ASTN2: variants seen among roughly 807,000 people sequenced by gnomAD.
ASTN2 encodes astrotactin-2.
In ASTN2, 54 loss-of-function variants were observed where a neutral mutation model predicts 139.8. The observed-to-expected ratio is 0.39, with a 90% CI of 0.31 to 0.48. The LOEUF (loss-of-function observed/expected upper bound fraction) is 0.48. Among genes scored for constraint, ASTN2 ranks in the 20% least tolerant of loss-of-function variants. ASTN2 has a pLI of 0.95. For synonymous variants in ASTN2, 756 were observed against 719.5 expected, an observed-to-expected ratio of 1.05 and a Z score of -0.81; for missense variants, 1,565 against 1,725.1, an observed-to-expected ratio of 0.91 and a Z score of 1.64.
At chr9:116,804,653 A>G (rs1830982859) in intron 13 of ASTN2, among the ~76,000 whole-genome samples, 1 of 152,200 alleles carries the variant, frequency 6.6e-6, no homozygotes, top group African/African-American at 2.4e-5. Flanking sequence ...ACCATTTATT[A>G]CCACTCATAA....
chr9:117,312,702 T>C (rs936697990), intron 1 of ASTN2, among the ~76,000 whole-genome samples: 3 of 152,086 alleles, frequency 2.0e-5, no homozygotes, highest in Non-Finnish European at 4.4e-5. Flanking sequence ...AAACTCAGGG[T>C]CCAGGGCTCC....
At chr9:117,193,518 A>T (rs895815947) in intron 3 of ASTN2, among the ~76,000 whole-genome samples, 1 of 151,270 alleles carries the variant, frequency 6.6e-6, no homozygotes, top group African/African-American at 2.4e-5. Flanking sequence ...CACACCTGTA[A>T]TCCCAGCTAC....
In ASTN2 at chr9:116,830,595, C is replaced by T. The variant is rs552800186; in HGVS notation, c.2041-9812G>A. Reference sequence around the variant, plus strand: ...TCACTAGAGGCCAGGAGTTTGAGACCAGCCTGGCCAACATGGTGAAACCCT... The same window carrying T: ...TCACTAGAGGCCAGGAGTTTGAGACTAGCCTGGCCAACATGGTGAAACCCT... On this transcript the variant is annotated intron_variant, in intron 11 of 22. Transcript: ENST00000313400. Among the ~76,000 whole-genome samples, 29 of 151,674 alleles carry T rather than the reference C, an allele frequency of 1.9e-4. No individual in the cohort carries two copies. In the South Asian group the frequency reaches 5.9e-3, roughly 31 times the overall value.
At chr9:117,183,614 T>C (rs1831128121) in intron 3 of ASTN2, among the ~76,000 whole-genome samples, 2 of 152,214 alleles carry the variant, frequency 1.3e-5, no homozygotes, top group South Asian at 4.1e-4. Context: ...ATTTCAGGAG[T>C]TGACCTAGGT....
chr9:117,343,234 G>C (rs2130867759), intron 1 of ASTN2, among the ~76,000 whole-genome samples: 1 of 152,212 alleles, frequency 6.6e-6, no homozygotes, highest in Non-Finnish European at 1.5e-5. Flanking sequence ...CTTTCTGAAT[G>C]TGCCATCACC....
intron 16 of ASTN2, chr9:116,687,196 G>A (rs1360391039): frequency 2.0e-6 from 2 of 1,018,732 alleles, no homozygotes; most frequent in African/African-American, 3.4e-5. Context: ...CTGCAGGGCC[G>A]CCTTGCCCCG....
chr9:116,839,881 ATTTT>A (rs71502081), intron 11 of ASTN2, among the ~76,000 whole-genome samples: 3 of 127,972 alleles, frequency 2.3e-5, no homozygotes, highest in African/African-American at 9.0e-5. Flanking sequence ...TATTATTATT[ATTTT>A]TTTTTTTTTA....
intron 10 of ASTN2, among the ~76,000 whole-genome samples, chr9:116,935,326 G>A (rs530001306): frequency 1.3e-5 from 2 of 152,186 alleles, no homozygotes; most frequent in East Asian, 3.8e-4. Context: ...TAAAATAGCT[G>A]TGTGACCTTG....
At chr9:116,563,232 G>A (rs943235419) in intron 19 of ASTN2, among the ~76,000 whole-genome samples, 4 of 151,814 alleles carry the variant, frequency 2.6e-5, no homozygotes, top group East Asian at 1.9e-4. Flanking sequence ...AAAATTAGCC[G>A]GGTGCGGGGG....
At chr9:116,816,635 C>T (rs1271653438) in intron 12 of ASTN2, among the ~76,000 whole-genome samples, 1 of 152,092 alleles carries the variant, frequency 6.6e-6, no homozygotes, top group Non-Finnish European at 1.5e-5. Flanking sequence ...AGGATGTAGT[C>T]CCTGCTCATG....
chr9:117,274,533 C>T (rs559639327), intron 2 of ASTN2, among the ~76,000 whole-genome samples: 6 of 152,332 alleles, frequency 3.9e-5, no homozygotes, highest in Non-Finnish European at 7.4e-5. Flanking sequence ...TGCATTGTGC[C>T]TGCTTTATCT....
chr9:116,905,703 TATACCTTC>T (rs1834136382), intron 10 of ASTN2, among the ~76,000 whole-genome samples: 1 of 152,144 alleles, frequency 6.6e-6, no homozygotes, highest in African/African-American at 2.4e-5. Flanking sequence ...CAATGACAAA[TATACCTTC>T]ATAACAACCT....
intron 19 of ASTN2, among the ~76,000 whole-genome samples, chr9:116,551,434 G>C (rs1852338720): frequency 6.6e-6 from 1 of 152,154 alleles, no homozygotes; most frequent in Admixed American, 6.5e-5. Context: ...GGGCCGTATA[G>C]ACTAGGAGAG....
intron 1 of ASTN2, among the ~76,000 whole-genome samples, chr9:117,347,776 CA>C (rs1829269252): frequency 6.6e-6 from 1 of 152,096 alleles, no homozygotes; most frequent in Admixed American, 6.6e-5. Context: ...TAAAGAGGAA[CA>C]AAAAGACACA....
chr9:117,178,816 C>T (rs1830982648), intron 3 of ASTN2, among the ~76,000 whole-genome samples: 1 of 152,140 alleles, frequency 6.6e-6, no homozygotes, highest in Admixed American at 6.5e-5. Flanking sequence ...TAGAGCGGCA[C>T]CAGCCCTAAT....
At chr9:117,392,393 C>A (rs1297385055) in intron 1 of ASTN2, among the ~76,000 whole-genome samples, 2 of 152,184 alleles carry the variant, frequency 1.3e-5, no homozygotes, top group East Asian at 3.9e-4. Flanking sequence ...TTTAAATCTA[C>A]CCTGCAGATA....
At chr9:116,897,858 T>C (rs1286669456) in intron 10 of ASTN2, among the ~76,000 whole-genome samples, 3 of 152,176 alleles carry the variant, frequency 2.0e-5, no homozygotes, top group East Asian at 1.9e-4. Context: ...CACAAACTCA[T>C]TTAAAGTTAT....
intron 10 of ASTN2, among the ~76,000 whole-genome samples, chr9:116,961,583 A>G (rs1835876704): frequency 6.6e-6 from 1 of 152,188 alleles, no homozygotes; most frequent in Non-Finnish European, 1.5e-5. Context: ...ATATTCCATT[A>G]GATAAACTGT....
intron 13 of ASTN2, among the ~76,000 whole-genome samples, chr9:116,742,163 C>G (rs1455995619): frequency 6.6e-6 from 1 of 152,216 alleles, no homozygotes; most frequent in Non-Finnish European, 1.5e-5. Context: ...CCTATTTCAG[C>G]TTTGCCTCTC....
Sources: allele counts gnomAD v4.1 joint callset (sites outside exome capture counted in the v4.1 genomes callset), GRCh38; gene constraint gnomAD v4.1.1; transcripts MANE v1.5; gene names NCBI Gene and HGNC (gene_info 2026-07-23, HGNC 2026-07-21).